MECOM: variants seen among roughly 807,000 people sequenced by gnomAD.
The protein encoded by MECOM is histone-lysine N-methyltransferase MECOM.
Under a neutral mutation model 116.3 loss-of-function variants are expected in MECOM, and 13 were observed. The ratio of observed to expected loss-of-function variants is 0.11; its 90% confidence interval spans 0.07 to 0.18. The LOEUF (loss-of-function observed/expected upper bound fraction) is 0.18. Ranked by LOEUF, MECOM falls within the 10% of genes least tolerant of loss-of-function variation. MECOM has a pLI of 1.00. For synonymous variants in MECOM, 528 were observed against 535.2 expected (o/e 0.99, Z 0.19); for missense variants, 1,299 against 1,509.0 (o/e 0.86, Z 2.31).
chr3:169,371,145 G>A (rs1730032018), intron 2 of MECOM, among the ~76,000 whole-genome samples: 1 of 151,932 alleles, frequency 6.6e-6, no homozygotes, highest in African/African-American at 2.4e-5. Context: ...ATTTTAAAAT[G>A]TGGTACATAC....
At chr3:169,567,256 T>G (rs1315054630) in intron 1 of MECOM, among the ~76,000 whole-genome samples, 1 of 152,214 alleles carries the variant, frequency 6.6e-6, no homozygotes, top group African/African-American at 2.4e-5. Flanking sequence ...AAACATACCT[T>G]AGGATAAGAA....
At chr3:169,496,270 C>T (rs1217073035) in intron 1 of MECOM, among the ~76,000 whole-genome samples, 1 of 152,200 alleles carries the variant, frequency 6.6e-6, no homozygotes, top group Non-Finnish European at 1.5e-5. Flanking sequence ...CCCTTGAAGA[C>T]AGACAATACA....
intron 2 of MECOM, chr3:169,146,205 GAAA>G: frequency 4.2e-6 from 4 of 958,534 alleles, no homozygotes; most frequent in Middle Eastern, 4.7e-4. Context: ...ACAGCAAAAG[GAAA>G]AAAAAAAAAA....
intron 2 of MECOM, among the ~76,000 whole-genome samples, chr3:169,267,851 C>T (rs1176896783): frequency 6.6e-6 from 1 of 151,902 alleles, no homozygotes; most frequent in Non-Finnish European, 1.5e-5. Context: ...CCTCATGATC[C>T]AGAGATGCAG....
chr3:169,451,642 A>C (rs912691995), intron 1 of MECOM, among the ~76,000 whole-genome samples: 1 of 152,164 alleles, frequency 6.6e-6, no homozygotes, highest in Non-Finnish European at 1.5e-5. Flanking sequence ...TCAATGAGCA[A>C]TGTTATAAAT....
intron 1 of MECOM, among the ~76,000 whole-genome samples, chr3:169,393,205 A>G (rs1298862214): frequency 1.3e-5 from 2 of 152,168 alleles, no homozygotes; most frequent in African/African-American, 4.8e-5. Context: ...TTCCAAACTG[A>G]CCAGAGATAG....
At chr3:169,480,643 A>G (rs1751147491) in intron 1 of MECOM, among the ~76,000 whole-genome samples, 1 of 152,140 alleles carries the variant, frequency 6.6e-6, no homozygotes, top group Non-Finnish European at 1.5e-5. Flanking sequence ...GTGTTTGTCC[A>G]AGCTGGTTGG....
rs71166260 is a variant in MECOM, at chr3:169,663,474, G to GTCTCTCTC, written c.-110_-103dup. On this transcript the variant is annotated 5_prime_UTR_variant, in exon 1 of 17. Coordinates refer to ENST00000651503, the MANE Select transcript of MECOM (RefSeq NM_004991.4). The stretch of plus-strand genomic sequence containing the variant: ...CTCTCGCTCCCTCCCTCTCTCTCCT[G>GTCTCTCTC]TCTCTCTCTCTCTCTCTCTCTCTCT... 7.5e-4 allele frequency: 424 copies of GTCTCTCTC among 569,002 alleles called. No individual in the cohort carries two copies. Among genetic ancestry groups the GTCTCTCTC allele is most frequent in the Middle Eastern group, 2.0e-3 (4 of 1,988 alleles). The allele number at this position is 569,002 out of a possible 1,614,324, so 35.2% of individuals were successfully genotyped here.
intron 2 of MECOM, among the ~76,000 whole-genome samples, chr3:169,220,245 A>T (rs904160969): frequency 6.6e-6 from 1 of 152,076 alleles, no homozygotes; most frequent in Non-Finnish European, 1.5e-5. Context: ...TGAGAGGATC[A>T]CCTGGGAGGC....
intron 1 of MECOM, among the ~76,000 whole-genome samples, chr3:169,640,881 C>A (rs1191590893): frequency 1.3e-5 from 2 of 152,188 alleles, no homozygotes; most frequent in African/African-American, 4.8e-5. Context: ...GGTTATGTCA[C>A]CCTCCCTTGT....
intron 1 of MECOM, among the ~76,000 whole-genome samples, chr3:169,506,448 C>T (rs1755228476): frequency 6.7e-6 from 1 of 149,276 alleles, no homozygotes; most frequent in Non-Finnish European, 1.5e-5. Context: ...GGTAATTGGC[C>T]TGTCTGAGGT....
Position 169,609,056 on chromosome 3 carries a change from T to C in MECOM, c.37+54280A>G, listed in dbSNP as rs146698360. ...AGAAGATAAAAATCTATTAACTTTC[T>C]GCTGACCTTATCGACACAGGAATCT... On this transcript the variant is annotated intron_variant, in intron 1 of 16. Coordinates refer to ENST00000651503, the MANE Select transcript of MECOM (RefSeq NM_004991.4). 1.1e-4 allele frequency among the ~76,000 whole-genome samples: 17 copies of C among 152,344 alleles called. 1 individual carries two copies. The East Asian group carries it at 3.3e-3, about 29-fold the overall frequency.
chr3:169,241,521 A>T (rs1319875923), intron 2 of MECOM, among the ~76,000 whole-genome samples: 2 of 152,108 alleles, frequency 1.3e-5, no homozygotes, highest in Non-Finnish European at 2.9e-5. Flanking sequence ...ACCTTAAGCT[A>T]GGGGGAAACA....
chr3:169,258,058 T>C (rs1172536949), intron 2 of MECOM, among the ~76,000 whole-genome samples: 2 of 152,150 alleles, frequency 1.3e-5, no homozygotes, highest in African/African-American at 2.4e-5. Flanking sequence ...CCATCTCTAC[T>C]AAAAATACAA....
chr3:169,104,062 A>G (rs148704401), intron 10 of MECOM, among the ~76,000 whole-genome samples: 92 of 152,308 alleles, frequency 6.0e-4, no homozygotes, highest in African/African-American at 1.9e-3. Flanking sequence ...ATGTGAACGC[A>G]TCGGGAGGCA....
intron 1 of MECOM, among the ~76,000 whole-genome samples, chr3:169,553,760 C>T (rs11920985): frequency 0.072 from 10,948 of 152,174 alleles, 833 homozygotes; most frequent in African/African-American, 0.19. Context: ...CTCTCTGTGT[C>T]CTCATGTGGT....
intron 2 of MECOM, among the ~76,000 whole-genome samples, chr3:169,356,837 C>T (rs1234071615): frequency 1.3e-5 from 2 of 151,756 alleles, no homozygotes; most frequent in Non-Finnish European, 2.9e-5. Flanking sequence ...TGGGAGGAAA[C>T]CAAGGAAAAT....
chr3:169,663,410 G>C lies in MECOM; in HGVS notation c.-38C>G. The C allele has an allele frequency of 1.3e-6, 2 of 1,596,940 alleles. No homozygotes were observed. Among genetic ancestry groups the C allele is most frequent in the Non-Finnish European group, 1.7e-6 (2 of 1,171,902 alleles). On this transcript the variant is annotated 5_prime_UTR_variant, in exon 1 of 17. Transcript: ENST00000651503. ...CCTGCAGCCGCTGGTGTGTGGTTGG[G>C]GCTTTTTTTTCTTGGATCCTTTCCT...
intron 2 of MECOM, among the ~76,000 whole-genome samples, chr3:169,297,439 A>G (rs1208391357): frequency 6.6e-6 from 1 of 152,188 alleles, no homozygotes; most frequent in East Asian, 1.9e-4. Flanking sequence ...TTGCTTTGAC[A>G]TTCATTAACA....
Sources: gnomAD v4.1 joint callset for allele counts (sites outside exome capture counted in the v4.1 genomes callset) on GRCh38, gnomAD v4.1.1 for gene constraint, MANE v1.5 for transcripts, NCBI Gene and HGNC (gene_info 2026-07-23, HGNC 2026-07-21) for gene names.